Variants in HERC2 observed in about 807,000 individuals in gnomAD.
HERC2 encodes HECT and RLD domain containing E3 ubiquitin protein ligase 2, also known as E3 ubiquitin-protein ligase HERC2.
A neutral mutation model predicts 537.7 loss-of-function variants in HERC2; 102 were observed. The observed-to-expected ratio is 0.19, with a 90% CI of 0.16 to 0.22. The LOEUF is 0.22. HERC2 is among the 10% of genes least tolerant of loss of function. HERC2 has a pLI of 1.00. For synonymous variants in HERC2, 2,224 were observed against 2,466.2 expected, an observed-to-expected ratio of 0.90 and a Z score of 2.91; for missense variants, 4,236 against 6,198.2, an observed-to-expected ratio of 0.68 and a Z score of 10.63.
In HERC2 at chr15:28,111,623, C is replaced by G; in HGVS notation, c.*140G>C. The G allele has an allele frequency of 1.2e-6, 1 of 827,826 alleles. No homozygotes were observed. Among genetic ancestry groups the G allele is most frequent in the South Asian group, 1.8e-5 (1 of 56,496 alleles). 51.3% of individuals were successfully genotyped at this position (827,826 alleles called of 1,614,324 possible). ...CACTGTCATTCCCATCACGGCCAGT[C>G]AGTCTCTCCACTCCCTCCTCCCGCC... On this transcript the variant is annotated 3_prime_UTR_variant, in exon 93 of 93. Transcript: ENST00000261609.
In HERC2 at chr15:28,196,322, C is replaced by T; in HGVS notation, c.8153G>A (p.Gly2718Glu). The T allele has an allele frequency of 4.2e-6, 6 of 1,433,864 alleles. No homozygotes were observed. The highest frequency in any genetic ancestry group is 4.8e-6 in the Non-Finnish European group (5 of 1,036,860). The allele number at this position is 1,433,864 out of a possible 1,614,324, so 88.8% of individuals were successfully genotyped here. The change falls in exon 52 of 93, where the codon GGA (glycine) becomes GAA (glutamate). Residue 2718 changes from glycine (G) to glutamate (E), a missense_variant. By Grantham distance (98) the Gly-to-Glu change is moderately conservative. Coordinates refer to ENST00000261609, the MANE Select transcript of HERC2 (RefSeq NM_004667.6). ...CDGCQMFPIN[G>E]SRFKCRNCDD... The stretch of plus-strand genomic sequence containing the variant: ...ACAGTTTCTGCATTTGAATCTGGAT[C>T]CATTGATAGGAAACATCTGACATCC...
chr15:28,312,562 T>C (rs1418280180), intron 2 of HERC2, among the ~76,000 whole-genome samples: 1 of 152,080 alleles, frequency 6.6e-6, no homozygotes, highest in African/African-American at 2.4e-5. Context: ...ACCCAGGAGT[T>C]TGAGGTTACA....
At chr15:28,210,379 G>A (rs187456374) in intron 44 of HERC2, among the ~76,000 whole-genome samples, 38 of 152,176 alleles carry the variant, frequency 2.5e-4, no homozygotes, top group Admixed American at 1.4e-3. Flanking sequence ...GTGATCCGCC[G>A]CCCGCCTCGG....
rs1404862214 is a variant in HERC2, at chr15:28,285,541, T to C, written c.323-5254A>G. ...TACATCAAAATGCATGGGAAAGAGCTACAGTGGGTGATGAGAAATTTACAG... is the reference window on the plus strand; with the variant it reads ...TACATCAAAATGCATGGGAAAGAGCCACAGTGGGTGATGAGAAATTTACAG... On this transcript the variant is annotated intron_variant, in intron 4 of 92. Transcript: ENST00000261609. Among the ~76,000 whole-genome samples the C allele has an allele frequency of 2.0e-5, 3 of 151,956 alleles. No individual in the cohort carries two copies. In the East Asian group the frequency reaches 5.8e-4, roughly 29 times the overall value.
At chr15:28,291,627 C>CA (rs1257073940) in intron 4 of HERC2, among the ~76,000 whole-genome samples, 8 of 150,502 alleles carry the variant, frequency 5.3e-5, no homozygotes, top group Admixed American at 4.6e-4. Context: ...TTGAATTACA[C>CA]AAAAAAAAGT....
At chr15:28,312,622 A>G (rs1404144460) in intron 2 of HERC2, 1 of 158,658 alleles carries the variant, frequency 6.3e-6, no homozygotes, top group African/African-American at 2.4e-5. Flanking sequence ...CAGAGACCCT[A>G]TTCATAAAAA....
At chr15:28,192,487 C>G (rs1896943035) in intron 52 of HERC2, among the ~76,000 whole-genome samples, 3 of 152,126 alleles carry the variant, frequency 2.0e-5, no homozygotes, top group African/African-American at 7.2e-5. Flanking sequence ...TTTATAAATA[C>G]AAGGCAAAAA....
In HERC2 at chr15:28,254,321, T is replaced by C. The variant is rs2075184274; in HGVS notation, c.3050+19A>G. ...AGTAAATAAATAACATATAATACAA[T>C]ACAGCTACTACGATTTACCTAAGAA... is the stretch of plus-strand genomic sequence containing the variant. On this transcript the variant is annotated intron_variant, in intron 20 of 92. Transcript: ENST00000261609. 1.3e-6 allele frequency: 2 copies of C among 1,523,964 alleles called. No individual in the cohort carries two copies. The highest frequency in any genetic ancestry group is 2.4e-5 in the South Asian group (2 of 83,434). The allele number at this position is 1,523,964 out of a possible 1,614,324, so 94.4% of individuals were successfully genotyped here. A position where few individuals can be genotyped will look rare whatever the true frequency, so the allele number is the denominator to read the frequency against.
At chr15:28,260,096 T>C (rs990358673) in intron 16 of HERC2, among the ~76,000 whole-genome samples, 2 of 151,876 alleles carry the variant, frequency 1.3e-5, no homozygotes, top group Non-Finnish European at 2.9e-5. Context: ...TCCCAGCACT[T>C]TGGGAGGCCA....
At chr15:28,297,323 T>C (rs1243489085) in intron 3 of HERC2, among the ~76,000 whole-genome samples, 9 of 151,402 alleles carry the variant, frequency 5.9e-5, no homozygotes, top group Middle Eastern at 3.4e-3. Context: ...AGATATCCAA[T>C]AGTCAGCCAA....
intron 48 of HERC2, 27 bp from the exon 49 acceptor site, chr15:28,198,796 C>A (rs770660546): frequency 8.2e-5 from 130 of 1,586,710 alleles, no homozygotes; most frequent in Admixed American, 2.5e-4. Flanking sequence ...ATTGGAGATC[C>A]AGTCCATCAT....
chr15:28,113,659 G>T lies in HERC2; in HGVS notation c.13933C>A (p.Gln4645Lys). ...ATTCCTTCCCGAACAGCAGCCACCT[G>T]CTCATCAAATTCATGGAGTCTGGAA... Reference protein sequence around the residue: ...INYRLHEFDEQVAAVREGMAR... With the variant: ...INYRLHEFDEKVAAVREGMAR... Residue 4645 changes from glutamine (Q) to lysine (K), a missense_variant, in exon 91 of 93, where the codon CAG becomes AAG. Around this residue, in one of 27 missense-constraint regions of HERC2, gnomAD observed 313 missense variants for 462.6 expected, o/e 0.68. Transcript: ENST00000261609. The surrounding 1 kb of genome is among the most constrained non-coding windows in gnomAD (Gnocchi z 7.0). 6.2e-7 allele frequency: 1 copy of T among 1,614,044 alleles called. No individual in the cohort carries two copies. Among genetic ancestry groups the T allele is most frequent in the Non-Finnish European group, 8.5e-7 (1 of 1,179,904 alleles).
rs775493189 is a variant in HERC2 at position 28,246,900 on chromosome 15, TGAA to T, written c.3236-6_3236-4del. 3 of 1,593,124 alleles carry T rather than the reference TGAA, an allele frequency of 1.9e-6. No homozygotes were observed. The highest frequency in any genetic ancestry group is 3.7e-5 in the Admixed American group (2 of 53,656). On this transcript the variant is annotated splice_polypyrimidine_tract_variant and splice_region_variant and intron_variant, in intron 21 of 92. Transcript: ENST00000261609. ...ACCAACACCCATTAGCTCTGGACCT[TGAA>T]GAAGGATTGAGAAATTTTCATTTTC... is the stretch of plus-strand genomic sequence containing the variant.
chr15:28,174,026 A>G (rs888501722), intron 65 of HERC2, among the ~76,000 whole-genome samples: 2 of 151,960 alleles, frequency 1.3e-5, no homozygotes, highest in Non-Finnish European at 2.9e-5. Context: ...ATCAAAATGC[A>G]TACTTTAAAT....
Position 28,265,039 on chromosome 15 carries a change from T to C in HERC2, c.1870+579A>G, listed in dbSNP as rs2075522869. Reference sequence around the variant, plus strand: ...GCAGGAGAGAAAGCAAGCTGACAGGTACCCCTGCTGATTATAACGGAAAGA... The same window carrying C: ...GCAGGAGAGAAAGCAAGCTGACAGGCACCCCTGCTGATTATAACGGAAAGA... On this transcript the variant is annotated intron_variant, in intron 14 of 92. Transcript: ENST00000261609. The surrounding 1 kb of genome is among the most constrained non-coding windows in gnomAD (Gnocchi z 4.0). Among the ~76,000 whole-genome samples the C allele has an allele frequency of 6.6e-6, 1 of 152,068 alleles. No homozygotes were observed. Among genetic ancestry groups the C allele is most frequent in the African/African-American group, 2.4e-5 (1 of 41,396 alleles).
At position 28,292,287 on chromosome 15, in the gene HERC2, T is replaced by A. The variant is rs143228339; in HGVS notation, c.322+601A>T. ...AGTATTTGAATAGACATTTCTCCAG[T>A]GAATGTATACAAATGGTCAATAAGC... is the stretch of plus-strand genomic sequence containing the variant. On this transcript the variant is annotated intron_variant, in intron 4 of 92. Coordinates refer to ENST00000261609, the MANE Select transcript of HERC2 (RefSeq NM_004667.6). Among the ~76,000 whole-genome samples, 318 of 146,004 alleles carry A rather than the reference T, an allele frequency of 2.2e-3. 6 individuals are homozygous for A. In the East Asian group the frequency reaches 0.056, roughly 26 times the overall value.
At chr15:28,228,083 A>C (rs933090033) in intron 35 of HERC2, 135 bp downstream of exon 35, 14 of 769,506 alleles carry the variant, frequency 1.8e-5, no homozygotes, top group Non-Finnish European at 2.9e-5. Flanking sequence ...TGACGTTAAA[A>C]TGGTACACTT....
At chr15:28,317,125 G>C (rs1391527678) in intron 2 of HERC2, among the ~76,000 whole-genome samples, 1 of 147,436 alleles carries the variant, frequency 6.8e-6, no homozygotes, top group African/African-American at 2.5e-5. Context: ...GAGTCTTGCT[G>C]TGTTGGCCAG....
intron 2 of HERC2, chr15:28,315,713 G>A (rs1384942224): frequency 1.7e-5 from 16 of 939,708 alleles, no homozygotes; most frequent in Non-Finnish European, 2.5e-5. Flanking sequence ...AGTGGAGGAA[G>A]AAGCGAATGC....
Sources: gnomAD v4.1 joint callset for allele counts (sites outside exome capture counted in the v4.1 genomes callset) on GRCh38, gnomAD v4.1.1 for gene constraint, gnomAD v4.1.1 regional missense constraint, Gnocchi (gnomAD v3.1) non-coding constraint, MANE v1.5 for transcripts, NCBI Gene and HGNC (gene_info 2026-07-23, HGNC 2026-07-21) for gene names.